SCP2: variants seen among roughly 807,000 people sequenced by gnomAD.
SCP2 encodes sterol carrier protein 2, also known as SCP-2/3-oxoacyl-CoA thiolase.
SCP2 carries 48 observed loss-of-function variants against 71.4 expected under a neutral mutation model. The ratio of observed to expected loss-of-function variants is 0.67; its 90% confidence interval spans 0.53 to 0.86. The LOEUF (loss-of-function observed/expected upper bound fraction) is 0.86. Among genes scored for constraint, SCP2 ranks in the 40% least tolerant of loss-of-function variants. The pLI is 0.00. For missense variants in SCP2, 560 were observed against 655.6 expected (o/e 0.85, Z 1.59); for synonymous variants, 220 against 218.1 (o/e 1.01, Z -0.08).
intron 9 of SCP2, among the ~76,000 whole-genome samples, chr1:52,979,263 C>A (rs1317159682): frequency 6.6e-6 from 1 of 152,080 alleles, no homozygotes; most frequent in Non-Finnish European, 1.5e-5. Context: ...CCTCTGCCTC[C>A]TAGTCTCAAG....
At chr1:52,961,207 C>A (rs1656411327) in intron 5 of SCP2, among the ~76,000 whole-genome samples, 1 of 151,298 alleles carries the variant, frequency 6.6e-6, no homozygotes, top group African/African-American at 2.4e-5. Flanking sequence ...AGGTATATCT[C>A]CTAATGCTAT....
intron 10 of SCP2, among the ~76,000 whole-genome samples, chr1:52,981,498 G>A (rs1259792375): frequency 2.0e-5 from 3 of 151,058 alleles, no homozygotes; most frequent in Admixed American, 1.3e-4. Flanking sequence ...GTGCAATGGT[G>A]TGATCTCGGC....
In SCP2 at chr1:53,038,853, T is replaced by A; in HGVS notation, c.1339-64T>A. Reference sequence around the variant, plus strand: ...TATCATGTATCTATTTAAACATGAATTTGCTTGAGGAGAAAGCCAGAGAAA... The same window carrying A: ...TATCATGTATCTATTTAAACATGAAATTGCTTGAGGAGAAAGCCAGAGAAA... On this transcript the variant is annotated intron_variant, in intron 13 of 15. Coordinates refer to ENST00000371514, the MANE Select transcript of SCP2 (RefSeq NM_002979.5). 5.0e-6 allele frequency: 8 copies of A among 1,599,230 alleles called. No homozygotes were observed. In the Admixed American group the frequency reaches 1.3e-4, roughly 27 times the overall value.
At chr1:53,030,158 G>A (rs1662432118) in intron 13 of SCP2, among the ~76,000 whole-genome samples, 1 of 152,058 alleles carries the variant, frequency 6.6e-6, no homozygotes, top group African/African-American at 2.4e-5. Context: ...AAAGTGCTGG[G>A]ATTACAGGCA....
At chr1:53,043,894 C>T (rs1032556965) in intron 14 of SCP2, among the ~76,000 whole-genome samples, 1 of 151,930 alleles carries the variant, frequency 6.6e-6, no homozygotes, top group African/African-American at 2.4e-5. Flanking sequence ...GACCTTTTTT[C>T]GAGTATTAAG....
At chr1:53,012,227 G>A (rs990616292) in intron 11 of SCP2, among the ~76,000 whole-genome samples, 2 of 152,222 alleles carry the variant, frequency 1.3e-5, no homozygotes, top group African/African-American at 4.8e-5. Flanking sequence ...AGGAAGGAAT[G>A]CGTGCTCAGA....
intron 4 of SCP2, among the ~76,000 whole-genome samples, chr1:52,954,111 G>C (rs1035191045): frequency 1.3e-5 from 2 of 151,846 alleles, no homozygotes; most frequent in Non-Finnish European, 2.9e-5. Flanking sequence ...AGGAGTTCAA[G>C]ACCAGCCTGA....
At chr1:53,025,868 T>G (rs906309764) in intron 12 of SCP2, among the ~76,000 whole-genome samples, 1 of 152,240 alleles carries the variant, frequency 6.6e-6, no homozygotes, top group African/African-American at 2.4e-5. Context: ...AATTCCCTAC[T>G]TTGGCCTGCC....
intron 6 of SCP2, among the ~76,000 whole-genome samples, chr1:52,971,953 T>C (rs1264615926): frequency 6.6e-6 from 1 of 152,192 alleles, no homozygotes; most frequent in Non-Finnish European, 1.5e-5. Context: ...AGAGGGATTC[T>C]AGTTTCTATG....
intron 12 of SCP2, among the ~76,000 whole-genome samples, chr1:53,019,814 G>A (rs1386549870): frequency 1.3e-5 from 2 of 152,180 alleles, no homozygotes; most frequent in African/African-American, 4.8e-5. Context: ...TTAGAATGAG[G>A]AATTTATAAA....
intron 14 of SCP2, among the ~76,000 whole-genome samples, chr1:53,041,075 T>G (rs1425020669): frequency 6.6e-6 from 1 of 152,122 alleles, no homozygotes; most frequent in Non-Finnish European, 1.5e-5. Flanking sequence ...TTAGAAACAC[T>G]GTGGATTGGG....
intron 1 of SCP2, among the ~76,000 whole-genome samples, chr1:52,935,652 G>A (rs1374892976): frequency 6.6e-6 from 1 of 151,366 alleles, no homozygotes; most frequent in Non-Finnish European, 1.5e-5. Flanking sequence ...GTCCACACTC[G>A]GTTGGGTCTA....
At chr1:52,970,203 G>A (rs1657337979) in intron 6 of SCP2, among the ~76,000 whole-genome samples, 1 of 152,034 alleles carries the variant, frequency 6.6e-6, no homozygotes, top group Non-Finnish European at 1.5e-5. Flanking sequence ...CTGGTGATTT[G>A]AGTGTGTTGT....
rs1420894704 is a variant in SCP2 at position 53,014,909 on chromosome 1, A to T, written c.1101A>T (p.Glu367Asp). 1.2e-6 allele frequency: 2 copies of T among 1,613,190 alleles called. No homozygotes were observed. The highest frequency in any genetic ancestry group is 1.7e-5 in the Admixed American group (1 of 59,986). Residue 367 changes from glutamate to aspartate, a missense_variant, in exon 12 of 16, where the codon GAA (glutamate) becomes GAT (aspartate). Coordinates refer to ENST00000371514, the MANE Select transcript of SCP2 (RefSeq NM_002979.5). ...TGTTAGGTCTTGCTCAGTGTGCAGAACTCTGCTGGCAGCTGAGAGGGGAAG... is the reference window on the plus strand; with the variant it reads ...TGTTAGGTCTTGCTCAGTGTGCAGATCTCTGCTGGCAGCTGAGAGGGGAAG... ...LGATGLAQCA[E>D]LCWQLRGEAG...
chr1:52,958,794 A>G (rs1370832171), intron 5 of SCP2, among the ~76,000 whole-genome samples: 1 of 152,076 alleles, frequency 6.6e-6, no homozygotes, highest in Admixed American at 6.5e-5. Flanking sequence ...GGCTCGAGCA[A>G]TCCTCCCGCC....
chr1:53,028,192 G>T, intron 13 of SCP2, 121 bp downstream of exon 13: 1 of 659,482 alleles, frequency 1.5e-6, no homozygotes. Flanking sequence ...CAAGTATTGA[G>T]TGTAGTTAGA....
At chr1:53,021,086 G>A (rs1052819113) in intron 12 of SCP2, among the ~76,000 whole-genome samples, 1 of 151,858 alleles carries the variant, frequency 6.6e-6, no homozygotes, top group Non-Finnish European at 1.5e-5. Flanking sequence ...GGTTACTGCA[G>A]CCTCGACCTC....
intron 6 of SCP2, among the ~76,000 whole-genome samples, chr1:52,968,408 A>G (rs894922041): frequency 2.6e-5 from 4 of 151,998 alleles, no homozygotes; most frequent in African/African-American, 9.7e-5. Flanking sequence ...TCTTCCTGGT[A>G]CTTTCTTTTG....
At chr1:53,036,042 A>G (rs1255729671) in intron 13 of SCP2, among the ~76,000 whole-genome samples, 1 of 148,732 alleles carries the variant, frequency 6.7e-6, no homozygotes, top group Admixed American at 6.7e-5. Flanking sequence ...AAAAAAAAAG[A>G]AAACTGAGAT....
Sources: allele counts gnomAD v4.1 joint callset (sites outside exome capture counted in the v4.1 genomes callset), GRCh38; gene constraint gnomAD v4.1.1; transcripts MANE v1.5; gene names NCBI Gene and HGNC (gene_info 2026-07-23, HGNC 2026-07-21).